Variants in TRPS1 observed in about 807,000 individuals in gnomAD.
The protein encoded by TRPS1 is zinc finger transcription factor Trps1.
In TRPS1, 6 loss-of-function variants were observed where a neutral mutation model predicts 101.2. That is an observed-to-expected ratio of 0.06 (90% confidence interval 0.03 to 0.12). The LOEUF is 0.12. TRPS1 is among the 10% of genes least tolerant of loss of function. TRPS1 has a pLI of 1.00. For missense variants in TRPS1, 1,363 were observed against 1,567.0 expected, an observed-to-expected ratio of 0.87 and a Z score of 2.20; for synonymous variants, 578 against 589.8, an observed-to-expected ratio of 0.98 and a Z score of 0.29.
intron 5 of TRPS1, among the ~76,000 whole-genome samples, chr8:115,525,088 C>T (rs1347186492): frequency 6.6e-6 from 1 of 151,992 alleles, no homozygotes. Flanking sequence ...CCGAAAGCAC[C>T]TGATGCATTT....
chr8:115,639,485 C>G (rs944231423), intron 1 of TRPS1, among the ~76,000 whole-genome samples: 1 of 152,126 alleles, frequency 6.6e-6, no homozygotes, highest in Non-Finnish European at 1.5e-5. Context: ...GACTCTTATG[C>G]TTTAAGATCA....
At chr8:115,547,153 G>C (rs1816593070) in intron 5 of TRPS1, among the ~76,000 whole-genome samples, 1 of 152,068 alleles carries the variant, frequency 6.6e-6, no homozygotes, top group Admixed American at 6.6e-5. Flanking sequence ...TCATAAAAAT[G>C]CCATATCAAA....
chr8:115,642,498 T>TA (rs1382438981), intron 1 of TRPS1, among the ~76,000 whole-genome samples: 2 of 152,154 alleles, frequency 1.3e-5, no homozygotes, highest in East Asian at 3.9e-4. Context: ...AAAACTTACA[T>TA]AACCAAAAGA....
chr8:115,549,287 A>C (rs1373383769), intron 5 of TRPS1, among the ~76,000 whole-genome samples: 1 of 152,200 alleles, frequency 6.6e-6, no homozygotes, highest in African/African-American at 2.4e-5. Context: ...GCTAAATTCA[A>C]TCACTGTCAA....
At position 115,409,541 on chromosome 8, in the gene TRPS1, A is replaced by C. The variant is rs1319046430; in HGVS notation, c.*4482T>G. Reference sequence around the variant, plus strand: ...ACATACTTCTGCCCTAGCATATTCCAGAAGTTCTAATTACTGCAATTAACT... The same window carrying C: ...ACATACTTCTGCCCTAGCATATTCCCGAAGTTCTAATTACTGCAATTAACT... On this transcript the variant is annotated 3_prime_UTR_variant, in exon 7 of 7. Coordinates refer to ENST00000395715, the MANE Select transcript of TRPS1 (RefSeq NM_014112.5). 6.6e-6 allele frequency: 1 copy of C among 152,072 alleles called. No homozygotes were observed. Among genetic ancestry groups the C allele is most frequent in the African/African-American group, 2.4e-5 (1 of 41,428 alleles). 9.4% of individuals were successfully genotyped at this position (152,072 alleles called of 1,614,324 possible).
At chr8:115,637,093 G>A (rs936563707) in intron 1 of TRPS1, 2 of 219,360 alleles carry the variant, frequency 9.1e-6, no homozygotes, top group African/African-American at 2.4e-5. Flanking sequence ...ATTATCCTGA[G>A]AGAGAAGTAA....
chr8:115,541,039 TATTTA>T (rs1816440300), intron 5 of TRPS1, among the ~76,000 whole-genome samples: 2 of 152,114 alleles, frequency 1.3e-5, no homozygotes, highest in African/African-American at 4.8e-5. Context: ...ACTTATATAA[TATTTA>T]ATTTATTTAC....
chr8:115,503,259 C>CAAAA (rs3069083), intron 5 of TRPS1, among the ~76,000 whole-genome samples: 13 of 128,748 alleles, frequency 1.0e-4, no homozygotes, highest in Admixed American at 4.1e-4. Context: ...GACTCTGTCT[C>CAAAA]AAAAAAAAAA....
chr8:115,588,493 A>G (rs1279495765), intron 4 of TRPS1, among the ~76,000 whole-genome samples: 1 of 152,194 alleles, frequency 6.6e-6, no homozygotes, highest in East Asian at 1.9e-4. Flanking sequence ...AAACAAGACA[A>G]TTTTATTATC....
intron 3 of TRPS1, among the ~76,000 whole-genome samples, chr8:115,616,684 A>C (rs556554965): frequency 6.6e-6 from 1 of 152,344 alleles, no homozygotes; most frequent in Non-Finnish European, 1.5e-5. Flanking sequence ...AATTCCTAAA[A>C]TTGAACGATT....
intron 5 of TRPS1, among the ~76,000 whole-genome samples, chr8:115,533,420 T>C (rs993587978): frequency 2.0e-4 from 28 of 141,296 alleles, no homozygotes; most frequent in Non-Finnish European, 4.0e-4. Context: ...AGGGGCCCGC[T>C]TCCCACATGT....
At chr8:115,430,368 G>T (rs1813289185) in intron 5 of TRPS1, among the ~76,000 whole-genome samples, 2 of 152,034 alleles carry the variant, frequency 1.3e-5, no homozygotes, top group Non-Finnish European at 2.9e-5. Context: ...TCAGTGCTTT[G>T]CATATAGTGG....
At chr8:115,598,684 A>G (rs1817842425) in intron 4 of TRPS1, among the ~76,000 whole-genome samples, 1 of 152,188 alleles carries the variant, frequency 6.6e-6, no homozygotes, top group South Asian at 2.1e-4. Context: ...GTCTTCACTT[A>G]TCAGAAAATG....
At chr8:115,590,516 G>C (rs1415145458) in intron 4 of TRPS1, among the ~76,000 whole-genome samples, 2 of 152,260 alleles carry the variant, frequency 1.3e-5, no homozygotes, top group East Asian at 3.9e-4. Flanking sequence ...GTAAATACCA[G>C]GGTGACAAGA....
intron 5 of TRPS1, among the ~76,000 whole-genome samples, chr8:115,562,926 G>GTGTGTGTGT (rs58255501): frequency 7.2e-6 from 1 of 138,592 alleles, no homozygotes; most frequent in East Asian, 2.1e-4. Context: ...GTGTGTGTGT[G>GTGTGTGTGT]GTGTTCCTCT....
intron 5 of TRPS1, among the ~76,000 whole-genome samples, chr8:115,535,857 C>G (rs1401928412): frequency 6.6e-6 from 1 of 151,740 alleles, no homozygotes; most frequent in East Asian, 1.9e-4. Flanking sequence ...CTTCATCTCT[C>G]ATTGTTATTA....
chr8:115,483,342 G>A (rs1411107858), intron 5 of TRPS1, among the ~76,000 whole-genome samples: 1 of 151,770 alleles, frequency 6.6e-6, no homozygotes, highest in African/African-American at 2.4e-5. Flanking sequence ...GACCGGCCTG[G>A]GCAACATGGT....
chr8:115,465,473 G>C (rs1225635728), intron 5 of TRPS1, among the ~76,000 whole-genome samples: 1 of 152,072 alleles, frequency 6.6e-6, no homozygotes, highest in African/African-American at 2.4e-5. Flanking sequence ...TGAATTTTAA[G>C]TACTTGAAGT....
intron 5 of TRPS1, among the ~76,000 whole-genome samples, chr8:115,439,726 A>G (rs573076413): frequency 2.4e-4 from 37 of 152,266 alleles, no homozygotes; most frequent in African/African-American, 8.9e-4. Context: ...ATATCCAGAA[A>G]TGCAGTGTTA....
Sources: gnomAD v4.1 joint callset for allele counts (sites outside exome capture counted in the v4.1 genomes callset) on GRCh38, gnomAD v4.1.1 for gene constraint, MANE v1.5 for transcripts, NCBI Gene and HGNC (gene_info 2026-07-23, HGNC 2026-07-21) for gene names.